CIP2A: variants seen among roughly 807,000 people sequenced by gnomAD.
The protein encoded by CIP2A is protein CIP2A.
A neutral mutation model predicts 110.9 loss-of-function variants in CIP2A; 103 were observed. That is an observed-to-expected ratio of 0.93 (90% confidence interval 0.79 to 1.09). The LOEUF is 1.09. CIP2A is among the 50% of genes least tolerant of loss of function. The pLI, the probability that CIP2A is intolerant of heterozygous loss-of-function variation, is 0.00. For synonymous variants in CIP2A, 381 were observed against 361.6 expected, an observed-to-expected ratio of 1.05 and a Z score of -0.61; for missense variants, 1,088 against 1,038.4, an observed-to-expected ratio of 1.05 and a Z score of -0.66.
intron 20 of CIP2A, among the ~76,000 whole-genome samples, chr3:108,551,680 T>C (rs1248048400): frequency 6.6e-6 from 1 of 152,112 alleles, no homozygotes; most frequent in African/African-American, 2.4e-5. Context: ...CTTCTGTTAC[T>C]CAGTAGTAGT....
At chr3:108,572,748 C>T (rs1395776343) in intron 8 of CIP2A, among the ~76,000 whole-genome samples, 3 of 97,094 alleles carry the variant, frequency 3.1e-5, no homozygotes, top group East Asian at 6.4e-4. Flanking sequence ...TATACTCTCA[C>T]GTCATCTGAA....
At chr3:108,551,888 TC>T (rs1005205937) in intron 20 of CIP2A, among the ~76,000 whole-genome samples, 1 of 152,144 alleles carries the variant, frequency 6.6e-6, no homozygotes, top group African/African-American at 2.4e-5. Context: ...CTCAGTTTCT[TC>T]AGTTGTAAGT....
rs761531535 is a variant in CIP2A, at chr3:108,569,518, G to A, written c.984C>T (p.Ser328=). ...ATTTAGTATGGCTTCCCAGAGTGGC[G>A]CTGCCAGGTGGAGACTGTTCAAACA... ...QMMFEQSPPG[S]ATLGSHTKCL... is the part of the protein sequence containing the mutation. Residue 328 remains serine (S), a synonymous_variant, in exon 9 of 21, where the codon AGC becomes AGT. Transcript: ENST00000295746. 17 of 1,612,540 alleles carry A rather than the reference G, an allele frequency of 1.1e-5. No individual in the cohort carries two copies. In the African/African-American group the frequency reaches 1.2e-4, roughly 11 times the overall value.
chr3:108,589,329 T>A lies in CIP2A; in HGVS notation c.47A>T (p.Gln16Leu). ...CLKSLLLTVSQYKAVKSEANA... is the reference protein window; with the variant it reads ...CLKSLLLTVSLYKAVKSEANA... ...CGCCTCTGACTTCACGGCTTTGTAC[T>A]GACTGACAGTCAGGAGCAAGGACTT... Residue 16 changes from glutamine to leucine, a missense_variant, in exon 1 of 21, where the codon CAG becomes CTG. Coordinates refer to ENST00000295746, the MANE Select transcript of CIP2A (RefSeq NM_020890.3). 1 of 1,614,000 alleles carries A rather than the reference T, an allele frequency of 6.2e-7. No individual in the cohort carries two copies. The highest frequency in any genetic ancestry group is 8.5e-7 in the Non-Finnish European group (1 of 1,179,908).
intron 1 of CIP2A, among the ~76,000 whole-genome samples, chr3:108,585,917 C>T (rs566596453): frequency 9.2e-5 from 14 of 152,084 alleles, no homozygotes; most frequent in African/African-American, 3.4e-4. Context: ...CACACACACA[C>T]ACACAGAGTG....
chr3:108,585,019 T>C (rs376435766), intron 2 of CIP2A, 46 bp downstream of exon 2: 88 of 1,552,436 alleles, frequency 5.7e-5, no homozygotes, highest in Admixed American at 9.1e-5. Flanking sequence ...TAAAATATTG[T>C]TCATACATCT....
chr3:108,589,331 A>C lies in CIP2A; in HGVS notation c.45T>G (p.Ser15Arg), dbSNP rs1939229414. 6.2e-7 allele frequency: 1 copy of C among 1,613,850 alleles called. No individual in the cohort carries two copies. The highest frequency in any genetic ancestry group is 8.5e-7 in the Non-Finnish European group (1 of 1,179,960). Residue 15 changes from serine (S) to arginine (R), a missense_variant, in exon 1 of 21, where the codon AGT (serine) becomes AGG (arginine). Transcript: ENST00000295746. The part of the protein sequence containing the change: ...ACLKSLLLTV[S>R]QYKAVKSEAN... ...CCTCTGACTTCACGGCTTTGTACTG[A>C]CTGACAGTCAGGAGCAAGGACTTCA...
chr3:108,569,660 C>A (rs1159196760), intron 8 of CIP2A, 53 bp from the exon 9 acceptor site: 6 of 1,326,072 alleles, frequency 4.5e-6, no homozygotes, highest in Non-Finnish European at 6.4e-6. Context: ...CTTTAATATA[C>A]AAAGCAAGTG....
At chr3:108,554,588 A>G in intron 17 of CIP2A, 99 bp from the exon 18 acceptor site, 1 of 585,998 alleles carries the variant, frequency 1.7e-6, no homozygotes, top group Non-Finnish European at 3.0e-6. Context: ...TTCTAACCAA[A>G]TTGCATATGC....
chr3:108,552,376 T>A lies in CIP2A; in HGVS notation c.2408-3A>T. 6.6e-7 allele frequency: 1 copy of A among 1,507,978 alleles called. No homozygotes were observed. Among genetic ancestry groups the A allele is most frequent in the Non-Finnish European group, 8.9e-7 (1 of 1,119,146 alleles). 93.4% of individuals were successfully genotyped at this position (1,507,978 alleles called of 1,614,324 possible). A position where few individuals can be genotyped will look rare whatever the true frequency, so the allele number is the denominator to read the frequency against. ...TACTTTTGTTTTTTGATGCAAATCT[T>A]AAAAGAAAAAAAAGTCAAGTATTAT... On this transcript the variant is annotated splice_region_variant and splice_polypyrimidine_tract_variant and intron_variant, in intron 19 of 20. Coordinates refer to ENST00000295746, the MANE Select transcript of CIP2A (RefSeq NM_020890.3).
chr3:108,552,340 T>A lies in CIP2A; in HGVS notation c.2441A>T (p.Lys814Met). 1 of 1,540,608 alleles carries A rather than the reference T, an allele frequency of 6.5e-7. No individual in the cohort carries two copies. The highest frequency in any genetic ancestry group is 8.8e-7 in the Non-Finnish European group (1 of 1,141,224). ...CCTTTCCTTTTGTAAGGTTTTAATC[T>A]TTTCTTCTTGTACTTTTGTTTTTTG... ...LHQKTKVQEE[K>M]IKTLQKERED... Residue 814 changes from lysine (K) to methionine (M), a missense_variant, in exon 20 of 21, where the codon AAG (lysine) becomes ATG (methionine). Physicochemically the swap from Lys to Met is moderately conservative, Grantham distance 95 (BLOSUM62 -1). Transcript: ENST00000295746.
intron 19 of CIP2A, among the ~76,000 whole-genome samples, chr3:108,553,293 A>C (rs889528367): frequency 3.3e-5 from 5 of 151,534 alleles, no homozygotes; most frequent in Non-Finnish European, 5.9e-5. Flanking sequence ...CACCTGGCTA[A>C]ATTTTTGTAT....
Position 108,552,204 on chromosome 3 carries a change from C to G in CIP2A, c.2547+30G>C, listed in dbSNP as rs940533409. ...TTTCACAACAGACTTTTTTATTTTACTGCAAATGAGAAATGGAACAGATTC... is the reference window on the plus strand; with the variant it reads ...TTTCACAACAGACTTTTTTATTTTAGTGCAAATGAGAAATGGAACAGATTC... On this transcript the variant is annotated intron_variant, in intron 20 of 20. Coordinates refer to ENST00000295746, the MANE Select transcript of CIP2A (RefSeq NM_020890.3). The G allele has an allele frequency of 2.6e-6, 4 of 1,528,924 alleles. No individual in the cohort carries two copies. In the African/African-American group the frequency reaches 5.7e-5, roughly 22 times the overall value. The allele number at this position is 1,528,924 out of a possible 1,614,324, so 94.7% of individuals were successfully genotyped here. A position where few individuals can be genotyped will look rare whatever the true frequency, so the allele number is the denominator to read the frequency against.
chr3:108,571,191 T>C (rs1467260910), intron 8 of CIP2A, among the ~76,000 whole-genome samples: 1 of 152,142 alleles, frequency 6.6e-6, no homozygotes, highest in South Asian at 2.1e-4. Flanking sequence ...TGCCTGGCTG[T>C]TTTACAGTTA....
Position 108,566,654 on chromosome 3 carries a change from G to C in CIP2A, c.1274-16C>G. On this transcript the variant is annotated splice_polypyrimidine_tract_variant and intron_variant, in intron 10 of 20. Coordinates refer to ENST00000295746, the MANE Select transcript of CIP2A (RefSeq NM_020890.3). Reference sequence around the variant, plus strand: ...CCACAGAGAGGTTAAGTTTTGTTAAGATATACAACAAAAAAATTCTCACTT... The same window carrying C: ...CCACAGAGAGGTTAAGTTTTGTTAACATATACAACAAAAAAATTCTCACTT... 1.3e-6 allele frequency: 2 copies of C among 1,517,846 alleles called. No individual in the cohort carries two copies. Among genetic ancestry groups the C allele is most frequent in the Non-Finnish European group, 1.8e-6 (2 of 1,129,206 alleles). 94.0% of individuals were successfully genotyped at this position (1,517,846 alleles called of 1,614,324 possible).
At chr3:108,572,447 G>A (rs1275096717) in intron 8 of CIP2A, among the ~76,000 whole-genome samples, 2 of 151,904 alleles carry the variant, frequency 1.3e-5, no homozygotes, top group African/African-American at 4.8e-5. Flanking sequence ...TTATTGAAAT[G>A]ACCATACTTT....
chr3:108,561,369 C>A (rs2107322711), intron 13 of CIP2A, among the ~76,000 whole-genome samples: 1 of 152,234 alleles, frequency 6.6e-6, no homozygotes, highest in South Asian at 2.1e-4. Flanking sequence ...GTGCAAACTG[C>A]AAGATGGCAG....
intron 16 of CIP2A, among the ~76,000 whole-genome samples, chr3:108,559,173 AG>A (rs1023033838): frequency 2.0e-5 from 3 of 152,184 alleles, no homozygotes; most frequent in Non-Finnish European, 4.4e-5. Flanking sequence ...AAGCAGAGAT[AG>A]GGCAGAAAAG....
At position 108,579,276 on chromosome 3, in the gene CIP2A, C is replaced by A; in HGVS notation, c.818+5G>T. 1 of 1,602,288 alleles carries A rather than the reference C, an allele frequency of 6.2e-7. No homozygotes were observed. The highest frequency in any genetic ancestry group is 1.1e-5 in the South Asian group (1 of 88,942). On this transcript the variant is annotated splice_donor_5th_base_variant and intron_variant, in intron 7 of 20. Coordinates refer to ENST00000295746, the MANE Select transcript of CIP2A (RefSeq NM_020890.3). The stretch of plus-strand genomic sequence containing the variant: ...AGTTCTAAAATTGACTGAAGTGAGT[C>A]ATACCTGGTGAGATAATCAGCAATT...
Sources: allele counts gnomAD v4.1 joint callset (sites outside exome capture counted in the v4.1 genomes callset), GRCh38; gene constraint gnomAD v4.1.1; transcripts MANE v1.5; gene names NCBI Gene and HGNC (gene_info 2026-07-23, HGNC 2026-07-21).